OXR1: variants seen among roughly 807,000 people sequenced by gnomAD.
OXR1 encodes the protein oxidation resistance protein 1.
A neutral mutation model predicts 104.6 loss-of-function variants in OXR1; 41 were observed. The ratio of observed to expected loss-of-function variants is 0.39; its 90% CI spans 0.31 to 0.51. The LOEUF (loss-of-function observed/expected upper bound fraction) is 0.51. OXR1 is among the 20% of genes least tolerant of loss of function. The probability of loss-of-function intolerance (pLI) is 0.77; values close to 1 mark genes in which losing one functional copy is unlikely to be tolerated. For missense variants in OXR1, 955 were observed against 1,031.9 expected (o/e 0.93, Z 1.02); for synonymous variants, 348 against 348.4 (o/e 1.00, Z 0.01).
At chr8:106,709,055 TA>T (rs113642600) in intron 9 of OXR1, among the ~76,000 whole-genome samples, 293 of 152,276 alleles carry the variant, frequency 1.9e-3, no homozygotes, top group African/African-American at 6.6e-3. Context: ...TCTTCTGTAA[TA>T]TTTTTTTAAT....
intron 7 of OXR1, chr8:106,697,996 AG>A: frequency 6.2e-7 from 1 of 1,613,104 alleles, no homozygotes; most frequent in Non-Finnish European, 8.5e-7. Flanking sequence ...GCCATAATGC[AG>A]GTCCCCTGTT....
At chr8:106,509,992 G>T (rs1264156442) in intron 2 of OXR1, among the ~76,000 whole-genome samples, 1 of 152,008 alleles carries the variant, frequency 6.6e-6, no homozygotes, top group African/African-American at 2.4e-5. Context: ...TGCTGGTTGC[G>T]AACTCCTGAC....
At chr8:106,596,078 G>C (rs1563631477) in intron 3 of OXR1, among the ~76,000 whole-genome samples, 1 of 151,634 alleles carries the variant, frequency 6.6e-6, no homozygotes, top group East Asian at 1.9e-4. Flanking sequence ...CATTCCGTTT[G>C]TTCAATAAAT....
chr8:106,476,016 A>G (rs1005287452), intron 2 of OXR1, among the ~76,000 whole-genome samples: 6 of 142,004 alleles, frequency 4.2e-5, no homozygotes, highest in African/African-American at 1.9e-4. Flanking sequence ...TTTGGGCTTT[A>G]TGGCTTTCAC....
At chr8:106,714,508 G>T (rs958044087) in intron 11 of OXR1, among the ~76,000 whole-genome samples, 13 of 152,074 alleles carry the variant, frequency 8.5e-5, no homozygotes, top group African/African-American at 3.1e-4. Context: ...AAATAAGCAG[G>T]TGCTAATTTT....
intron 11 of OXR1, among the ~76,000 whole-genome samples, chr8:106,723,363 T>C (rs981652084): frequency 2.6e-5 from 4 of 151,802 alleles, no homozygotes; most frequent in African/African-American, 9.7e-5. Flanking sequence ...CCAGGTGTGG[T>C]GGTGGATGCC....
chr8:106,558,034 C>T (rs1045866085), intron 3 of OXR1, among the ~76,000 whole-genome samples: 8 of 152,082 alleles, frequency 5.3e-5, no homozygotes, highest in Admixed American at 3.3e-4. Context: ...TTTGAACTTC[C>T]GCTTTACCAC....
chr8:106,730,893 G>T (rs918459646), intron 11 of OXR1, among the ~76,000 whole-genome samples: 2 of 151,114 alleles, frequency 1.3e-5, no homozygotes, highest in Non-Finnish European at 3.0e-5. Flanking sequence ...AAAAAAAAAA[G>T]AAAGAAAGAA....
intron 2 of OXR1, among the ~76,000 whole-genome samples, chr8:106,395,692 A>C (rs1270720728): frequency 6.6e-6 from 1 of 152,136 alleles, no homozygotes; most frequent in Non-Finnish European, 1.5e-5. Flanking sequence ...CGTTTAGTAC[A>C]GATACATCTA....
intron 11 of OXR1, among the ~76,000 whole-genome samples, chr8:106,718,477 G>T (rs1481867213): frequency 6.6e-6 from 1 of 152,132 alleles, no homozygotes; most frequent in Admixed American, 6.5e-5. Flanking sequence ...TATTCTTACT[G>T]CTCACGATGT....
chr8:106,301,745 T>A (rs1813242715), intron 1 of OXR1, among the ~76,000 whole-genome samples: 2 of 152,232 alleles, frequency 1.3e-5, no homozygotes, highest in Admixed American at 1.3e-4. Flanking sequence ...AATAATGGTA[T>A]TCTCCTCAGA....
intron 3 of OXR1, among the ~76,000 whole-genome samples, chr8:106,626,426 G>A (rs963179027): frequency 6.6e-6 from 1 of 151,188 alleles, no homozygotes; most frequent in African/African-American, 2.4e-5. Flanking sequence ...GCATGGCCTT[G>A]ATTGAAGTTT....
rs746116228 is a variant in OXR1 at position 106,739,547 on chromosome 8, T to C, written c.2127T>C (p.Asp709=). The change falls in exon 13 of 17, where the codon GAT becomes GAC. Residue 709 remains aspartate (D), a synonymous_variant. Coordinates refer to ENST00000517566, the MANE Select transcript of OXR1 (RefSeq NM_001198533.2). ...AATCTTTTCGACCAAACCTAAGTGA[T>C]CCCAGTGAACTTTTACTGCCAGATC... ...ESESFRPNLS[D]PSELLLPDQI... is the part of the protein sequence containing the mutation. The C allele has an allele frequency of 6.2e-7, 1 of 1,613,532 alleles. No homozygotes were observed. The highest frequency in any genetic ancestry group is 1.1e-5 in the South Asian group (1 of 91,080).
rs185020072 is a variant in OXR1, at chr8:106,727,213, A to G, written c.1957-10307A>G. On this transcript the variant is annotated intron_variant, in intron 11 of 16. Transcript: ENST00000517566. Reference sequence around the variant, plus strand: ...AACACCGTTGTTTTTTTTTTAAACCAAGAACAATGAAGCTATTCATACATT... The same window carrying G: ...AACACCGTTGTTTTTTTTTTAAACCGAGAACAATGAAGCTATTCATACATT... Among the ~76,000 whole-genome samples, 775 of 150,336 alleles carry G rather than the reference A, an allele frequency of 5.2e-3. 6 individuals carry two copies. The highest frequency in any genetic ancestry group is 0.017 in the Middle Eastern group (5 of 294).
rs10610619 is a variant in OXR1 at position 106,316,691 on chromosome 8, TTCTA to T, written c.-138-42762_-138-42759del. Among the ~76,000 whole-genome samples the T allele has an allele frequency of 9.2e-3, 1,223 of 132,326 alleles. 9 individuals are homozygous for T. The highest frequency in any genetic ancestry group is 0.012 in the Middle Eastern group (3 of 252). 86.8% of individuals were successfully genotyped at this position (132,326 alleles called of 152,430 possible). On this transcript the variant is annotated intron_variant, in intron 1 of 16. Coordinates refer to ENST00000517566, the MANE Select transcript of OXR1 (RefSeq NM_001198533.2). The stretch of plus-strand genomic sequence containing the variant: ...AATGTATTTGTTTTTCTCTCTTTTT[TTCTA>T]TCTATCTATCTATCTATCTATCATC...
chr8:106,441,432 G>GT (rs1179559334), intron 2 of OXR1, among the ~76,000 whole-genome samples: 4 of 152,104 alleles, frequency 2.6e-5, no homozygotes, highest in African/African-American at 9.7e-5. Context: ...ATTTAAAATA[G>GT]TTTTTTCTAA....
intron 3 of OXR1, among the ~76,000 whole-genome samples, chr8:106,670,405 A>G (rs1328689769): frequency 6.6e-6 from 1 of 152,154 alleles, no homozygotes; most frequent in African/African-American, 2.4e-5. Context: ...CGATTTTGCA[A>G]ATTTTATGTT....
At chr8:106,745,357 A>G (rs1835295471) in intron 15 of OXR1, among the ~76,000 whole-genome samples, 1 of 152,234 alleles carries the variant, frequency 6.6e-6, no homozygotes, top group Non-Finnish European at 1.5e-5. Flanking sequence ...ATCAGTAAAT[A>G]TATATGCAAA....
chr8:106,383,864 T>C (rs979485641), intron 2 of OXR1, among the ~76,000 whole-genome samples: 4 of 152,140 alleles, frequency 2.6e-5, no homozygotes, highest in African/African-American at 9.7e-5. Context: ...CACAAAATTA[T>C]AGAATGAGAA....
Sources: allele counts gnomAD v4.1 joint callset (sites outside exome capture counted in the v4.1 genomes callset), GRCh38; gene constraint gnomAD v4.1.1; transcripts MANE v1.5; gene names NCBI Gene and HGNC (gene_info 2026-07-23, HGNC 2026-07-21).